Variants in ABCA8 observed in about 807,000 individuals in gnomAD.
ABCA8 encodes ATP binding cassette subfamily A member 8.
ABCA8 carries 177 observed loss-of-function variants against 192.3 expected under a neutral mutation model. That is an observed-to-expected ratio of 0.92 (90% CI 0.81 to 1.04). The LOEUF is 1.04. Among genes scored for constraint, ABCA8 ranks in the 50% least tolerant of loss-of-function variants. ABCA8 has a pLI of 0.00. For missense variants in ABCA8, 1,915 were observed against 1,904.8 expected, an observed-to-expected ratio of 1.01 and a Z score of -0.10; for synonymous variants, 642 against 690.2, an observed-to-expected ratio of 0.93 and a Z score of 1.09.
Position 68,922,306 on chromosome 17 carries a change from A to G in ABCA8, c.1443-6T>C. 7.6e-7 allele frequency: 1 copy of G among 1,313,536 alleles called. No individual in the cohort carries two copies. Among genetic ancestry groups the G allele is most frequent in the South Asian group, 1.4e-5 (1 of 69,278 alleles). 81.4% of individuals were successfully genotyped at this position (1,313,536 alleles called of 1,614,324 possible). ...CTTTTGTAACATTTCTGATTCTGAA[A>G]AAAAGAAAAGATACTTCAAAGTGAC... On this transcript the variant is annotated splice_polypyrimidine_tract_variant and splice_region_variant and intron_variant, in intron 11 of 39. Coordinates refer to ENST00000586539, the MANE Select transcript of ABCA8 (RefSeq NM_001288985.2).
rs1337681755 is a variant in ABCA8 at position 68,911,060 on chromosome 17, G to A, written c.2139-3181C>T. Among the ~76,000 whole-genome samples, 1 of 152,140 alleles carries A rather than the reference G, an allele frequency of 6.6e-6. No homozygotes were observed. Among genetic ancestry groups the A allele is most frequent in the Non-Finnish European group, 1.5e-5 (1 of 68,028 alleles). ...AGACTTTCTGCCTGAGGAAAAGAGA[G>A]GGAAGAGTAAAGGGGACTTTGTCTT... is the stretch of plus-strand genomic sequence containing the variant. On this transcript the variant is annotated intron_variant, in intron 17 of 39. Transcript: ENST00000586539. This position sits in a 1 kb window ranked among gnomAD's most constrained non-coding sequence, Gnocchi z 5.7.
rs755746026 is a variant in ABCA8 at position 68,894,899 on chromosome 17, G to C, written c.2879C>G (p.Thr960Arg). The C allele has an allele frequency of 8.1e-6, 13 of 1,613,210 alleles. No homozygotes were observed. The highest frequency in any genetic ancestry group is 1.6e-4 in the Middle Eastern group (1 of 6,066). ...TDDPSYNGAI[T>R]VCCNEKNYSF... ...GCATACCTTTTCATTACAACACACT[G>C]TGATGGCTCCATTATAAGATGGGTC... Residue 960 changes from threonine to arginine, a missense_variant, in exon 22 of 40, where the codon ACA becomes AGA. Transcript: ENST00000586539.
intron 32 of ABCA8, 68 bp from the exon 33 acceptor site, chr17:68,877,747 A>G: frequency 6.8e-7 from 1 of 1,474,634 alleles, no homozygotes; most frequent in Admixed American, 2.1e-5. Context: ...CCATGACATC[A>G]TTCTCTTCAC....
intron 6 of ABCA8, among the ~76,000 whole-genome samples, chr17:68,932,914 C>A (rs2067946325): frequency 6.6e-6 from 1 of 152,136 alleles, no homozygotes; most frequent in Admixed American, 6.5e-5. Flanking sequence ...ATTTATAGTT[C>A]TGTAATAGTC....
chr17:68,871,869 A>G (rs1042917496), intron 37 of ABCA8, among the ~76,000 whole-genome samples: 1 of 152,018 alleles, frequency 6.6e-6, no homozygotes, highest in African/African-American at 2.4e-5. Flanking sequence ...AATACTTGAT[A>G]ATGATAAATG....
intron 37 of ABCA8, among the ~76,000 whole-genome samples, chr17:68,871,075 G>T (rs1375611245): frequency 1.3e-5 from 2 of 152,096 alleles, no homozygotes; most frequent in East Asian, 3.9e-4. Context: ...ACCACAGACT[G>T]GGCAATTTAT....
At position 68,924,817 on chromosome 17, in the gene ABCA8, C is replaced by G; in HGVS notation, c.1326G>C (p.Trp442Cys). The G allele has an allele frequency of 6.2e-7, 1 of 1,614,010 alleles. No homozygotes were observed. The highest frequency in any genetic ancestry group is 8.5e-7 in the Non-Finnish European group (1 of 1,179,950). Residue 442 changes from tryptophan (W) to cysteine (C), a missense_variant, in exon 11 of 40, where the codon TGG becomes TGC. Physicochemically the swap from Trp to Cys is radical, Grantham distance 215. Coordinates refer to ENST00000586539, the MANE Select transcript of ABCA8 (RefSeq NM_001288985.2). ...CGTGATCAGTCTTTTGTGTTTGAGA[C>G]CAAAATGAGGACTTCAGGAAAAACA... ...PPLFFLKSSF[W>C]SQTQKTDHVA...
chr17:68,904,645 G>C (rs1270982484), intron 19 of ABCA8, among the ~76,000 whole-genome samples: 2 of 152,038 alleles, frequency 1.3e-5, no homozygotes, highest in African/African-American at 4.8e-5. Flanking sequence ...AGAATCATGG[G>C]GTACCTAAGT....
At position 68,868,089 on chromosome 17, in the gene ABCA8, G is replaced by T; in HGVS notation, c.4862C>A (p.Pro1621His). Reference protein sequence around the residue: ...VKWKLLPQEEP With the variant: ...VKWKLLPQEEH ...AGGAACACAGAATTTGGGGTTTTAAGGCTCTTCCTGGGGGAGGAGCTTCCA... is the reference window on the plus strand; with the variant it reads ...AGGAACACAGAATTTGGGGTTTTAATGCTCTTCCTGGGGGAGGAGCTTCCA... The change falls in exon 40 of 40, where the codon CCT (proline) becomes CAT (histidine). Residue 1621 changes from proline to histidine, a missense_variant. Transcript: ENST00000586539. 1 of 1,607,396 alleles carries T rather than the reference G, an allele frequency of 6.2e-7. No homozygotes were observed. The highest frequency in any genetic ancestry group is 8.5e-7 in the Non-Finnish European group (1 of 1,177,702).
At chr17:68,907,910 TGTTA>T in intron 17 of ABCA8, 31 bp from the exon 18 acceptor site, 1 of 1,535,876 alleles carries the variant, frequency 6.5e-7, no homozygotes. Flanking sequence ...AAAAGACATA[TGTTA>T]CTCGACATAG....
Position 68,907,860 on chromosome 17 carries a change from ATATT to A in ABCA8, c.2154_2157del (p.Glu718AspfsTer7), listed in dbSNP as rs1567850246. The A allele has an allele frequency of 6.3e-7, 1 of 1,584,226 alleles. No individual in the cohort carries two copies. The highest frequency in any genetic ancestry group is 1.4e-5 in the African/African-American group (1 of 72,848). ...AGTGATGTTATGTTTTCCTCAACACATATTTCATTTAACTGCAAGCTGGCATTCA... is the reference window on the plus strand; with the variant it reads ...AGTGATGTTATGTTTTCCTCAACACATCATTTAACTGCAAGCTGGCATTCA... On this transcript the variant is annotated frameshift_variant, in exon 18 of 40. Coordinates refer to ENST00000586539, the MANE Select transcript of ABCA8 (RefSeq NM_001288985.2). LOFTEE classifies it high-confidence loss of function.
intron 20 of ABCA8, 110 bp from the exon 21 acceptor site, chr17:68,902,989 TTAAC>T: frequency 1.0e-6 from 1 of 960,078 alleles, no homozygotes; most frequent in South Asian, 1.8e-5. Context: ...TTAAACACAA[TTAAC>T]TGTCACATTT....
At chr17:68,954,889 T>C (rs925915081) in intron 1 of ABCA8, among the ~76,000 whole-genome samples, 1 of 152,176 alleles carries the variant, frequency 6.6e-6, no homozygotes, top group African/African-American at 2.4e-5. Flanking sequence ...AACCCAATTC[T>C]TAAAACTCTA....
intron 4 of ABCA8, among the ~76,000 whole-genome samples, chr17:68,938,001 G>C (rs1223129143): frequency 6.6e-6 from 1 of 152,100 alleles, no homozygotes; most frequent in Non-Finnish European, 1.5e-5. Flanking sequence ...ATGTGGTTTT[G>C]AATGAGGTAA....
chr17:68,882,792 C>T lies in ABCA8; in HGVS notation c.3708-73G>A. The T allele has an allele frequency of 4.7e-6, 7 of 1,476,146 alleles. No individual in the cohort carries two copies. In the South Asian group the frequency reaches 8.6e-5, roughly 18 times the overall value. The allele number at this position is 1,476,146 out of a possible 1,614,324, so 91.4% of individuals were successfully genotyped here. A position where few individuals can be genotyped will look rare whatever the true frequency, so the allele number is the denominator to read the frequency against. On this transcript the variant is annotated intron_variant, in intron 29 of 39. Transcript: ENST00000586539. ...GTATCAAAAGTTGCATTATTTAAAG[C>T]ATATGTTTGAGTAGTACGAGCAATT...
At chr17:68,923,058 A>T (rs954986236) in intron 11 of ABCA8, among the ~76,000 whole-genome samples, 2 of 152,188 alleles carry the variant, frequency 1.3e-5, no homozygotes, top group African/African-American at 4.8e-5. Context: ...ATTCTAGGCG[A>T]TAAATCTGCA....
chr17:68,891,308 C>G (rs2066616171), intron 24 of ABCA8, among the ~76,000 whole-genome samples, 181 bp downstream of exon 24: 1 of 151,968 alleles, frequency 6.6e-6, no homozygotes, highest in Admixed American at 6.6e-5. Flanking sequence ...GAATAATTCT[C>G]TATTACCTAT....
chr17:68,899,096 A>G (rs1433883028), intron 21 of ABCA8, among the ~76,000 whole-genome samples: 1 of 151,960 alleles, frequency 6.6e-6, no homozygotes, highest in African/African-American at 2.4e-5. Flanking sequence ...AAAATATAAT[A>G]AAAAATCGTT....
In ABCA8 at chr17:68,929,051, G is replaced by A. The variant is rs1375018587; in HGVS notation, c.1123C>T (p.Gln375Ter). Residue 375 changes from glutamine (Q) to a stop codon, truncating the protein, a stop_gained and splice_region_variant, in exon 9 of 40, where the codon CAG becomes TAG. Transcript: ENST00000586539. LOFTEE classifies it high-confidence loss of function. ...SPFAFMLGMAQLLHLDYDLNS... is the reference protein window; with the variant it reads ...SPFAFMLGMA Reference sequence around the variant, plus strand: ...TAGACATTCAGATGGCATCTCACCTGGGCCATTCCAAGCATGAAGGCAAAG... The same window carrying A: ...TAGACATTCAGATGGCATCTCACCTAGGCCATTCCAAGCATGAAGGCAAAG... 3 of 1,560,776 alleles carry A rather than the reference G, an allele frequency of 1.9e-6. No homozygotes were observed. Among genetic ancestry groups the A allele is most frequent in the East Asian group, 2.3e-5 (1 of 43,554 alleles).
Sources: allele counts gnomAD v4.1 joint callset (sites outside exome capture counted in the v4.1 genomes callset), GRCh38; gene constraint gnomAD v4.1.1; non-coding constraint Gnocchi (gnomAD v3.1); transcripts MANE v1.5; gene names NCBI Gene and HGNC (gene_info 2026-07-23, HGNC 2026-07-21).